GAS7: variants seen among roughly 807,000 people sequenced by gnomAD.
The protein encoded by GAS7 is growth arrest-specific protein 7.
A neutral mutation model predicts 71.1 loss-of-function variants in GAS7; 28 were observed. The ratio of observed to expected loss-of-function variants is 0.39; its 90% CI spans 0.29 to 0.54. The LOEUF (loss-of-function observed/expected upper bound fraction) is 0.54. Ranked by LOEUF, GAS7 falls within the 20% of genes least tolerant of loss-of-function variation. The probability of loss-of-function intolerance (pLI) is 0.62; values close to 1 mark genes in which losing one functional copy is unlikely to be tolerated. For missense variants in GAS7, 436 were observed against 627.8 expected, an observed-to-expected ratio of 0.69 and a Z score of 3.27; for synonymous variants, 258 against 245.8, an observed-to-expected ratio of 1.05 and a Z score of -0.46.
intron 11 of GAS7, among the ~76,000 whole-genome samples, chr17:9,924,119 T>C (rs2067913229): frequency 6.6e-6 from 1 of 152,232 alleles, no homozygotes; most frequent in Admixed American, 6.5e-5. Context: ...GTGAATAGCA[T>C]TTTATATTCT....
chr17:10,133,759 T>C (rs1415391428), intron 1 of GAS7, among the ~76,000 whole-genome samples: 1 of 132,386 alleles, frequency 7.6e-6, no homozygotes, highest in Non-Finnish European at 1.6e-5. Context: ...TGAGTTCAAC[T>C]TTTTTAGAGT....
At chr17:10,037,178 A>G (rs2072769301) in intron 1 of GAS7, among the ~76,000 whole-genome samples, 1 of 152,218 alleles carries the variant, frequency 6.6e-6, no homozygotes, top group Non-Finnish European at 1.5e-5. Context: ...ACGAACAAAG[A>G]CAGGCTCATG....
intron 1 of GAS7, among the ~76,000 whole-genome samples, chr17:10,157,864 G>A (rs967964179): frequency 1.2e-4 from 19 of 152,158 alleles, no homozygotes; most frequent in African/African-American, 4.6e-4. Context: ...CTCGTAGGCT[G>A]GACATGGTGG....
rs575747027 is a variant in GAS7 at position 9,958,192 on chromosome 17, C to T, written c.525+1010G>A. Among the ~76,000 whole-genome samples the T allele has an allele frequency of 5.3e-5, 8 of 152,086 alleles. No individual in the cohort carries two copies. In the East Asian group the frequency reaches 9.7e-4, roughly 18 times the overall value. On this transcript the variant is annotated intron_variant, in intron 5 of 13. Coordinates refer to ENST00000432992, the MANE Select transcript of GAS7 (RefSeq NM_201433.2). Reference sequence around the variant, plus strand: ...GCTGTTGCACTGTCATTAATATAACCGACACTCTGGCCTCAGAGTCCACGT... The same window carrying T: ...GCTGTTGCACTGTCATTAATATAACTGACACTCTGGCCTCAGAGTCCACGT...
At position 9,959,751 on chromosome 17, in the gene GAS7, C is replaced by T. The variant is rs186933867; in HGVS notation, c.472-496G>A. On this transcript the variant is annotated intron_variant, in intron 4 of 13. Transcript: ENST00000432992. The surrounding 1 kb of genome is among the most constrained non-coding windows in gnomAD (Gnocchi z 5.0). ...GTGCACTGGGGCGCTGCTCGGTCAC[C>T]TCCCTGACTCCCCGCTCCCCCAACC... 2.2e-4 allele frequency among the ~76,000 whole-genome samples: 34 copies of T among 152,284 alleles called. No individual in the cohort carries two copies. In the East Asian group the frequency reaches 6.6e-3, roughly 29 times the overall value.
intron 13 of GAS7, 46 bp downstream of exon 13, chr17:9,917,955 C>T (rs1462906365): frequency 4.3e-6 from 6 of 1,395,448 alleles, no homozygotes; most frequent in Non-Finnish European, 6.1e-6. Flanking sequence ...GGCGGCTCTC[C>T]CCAGGCCCCG....
At chr17:10,112,071 T>C (rs944305986) in intron 1 of GAS7, among the ~76,000 whole-genome samples, 5 of 152,184 alleles carry the variant, frequency 3.3e-5, no homozygotes, top group Admixed American at 1.3e-4. Context: ...AAGTAGAACA[T>C]TGCCATCCTC....
chr17:9,996,685 C>T (rs1484564007), intron 2 of GAS7, among the ~76,000 whole-genome samples: 1 of 151,552 alleles, frequency 6.6e-6, no homozygotes, highest in Admixed American at 6.6e-5. Flanking sequence ...GTCGCCCAGG[C>T]TGAAGTACAG....
At chr17:9,957,257 A>G (rs1567821151) in intron 5 of GAS7, among the ~76,000 whole-genome samples, 1 of 152,250 alleles carries the variant, frequency 6.6e-6, no homozygotes, top group Admixed American at 6.5e-5. Flanking sequence ...TGCATTTTAA[A>G]AAAGGTCTTG....
intron 1 of GAS7, among the ~76,000 whole-genome samples, chr17:10,045,969 T>G (rs1317360876): frequency 6.6e-6 from 1 of 152,208 alleles, no homozygotes; most frequent in Non-Finnish European, 1.5e-5. Flanking sequence ...ATTTGGTTTC[T>G]TTCTACTACA....
Position 9,992,289 on chromosome 17 carries a change from G to A in GAS7, c.305-10405C>T, listed in dbSNP as rs546031028. Reference sequence around the variant, plus strand: ...GTTACCCCAACCTTCTAAGAGCCGCGGCTTTGACATGGGTCTTTGCTACCT... The same window carrying A: ...GTTACCCCAACCTTCTAAGAGCCGCAGCTTTGACATGGGTCTTTGCTACCT... On this transcript the variant is annotated intron_variant, in intron 2 of 13. Coordinates refer to ENST00000432992, the MANE Select transcript of GAS7 (RefSeq NM_201433.2). Among the ~76,000 whole-genome samples, 21 of 151,906 alleles carry A rather than the reference G, an allele frequency of 1.4e-4. No individual in the cohort carries two copies. The South Asian group carries it at 2.5e-3, about 18-fold the overall frequency.
At chr17:9,971,489 T>A (rs2069961143) in intron 3 of GAS7, among the ~76,000 whole-genome samples, 1 of 152,106 alleles carries the variant, frequency 6.6e-6, no homozygotes. Flanking sequence ...AGCTTGAGCC[T>A]GGCAGGTGGA....
rs2071190527 is a variant in GAS7 at position 9,999,706 on chromosome 17, C to T, written c.305-17822G>A. ...TGGCCATTTAGCCCCACGGCTCCTT[C>T]AGGCACACAGAAAAAGTCCTTATCA... On this transcript the variant is annotated intron_variant, in intron 2 of 13. Transcript: ENST00000432992. 3.9e-5 allele frequency among the ~76,000 whole-genome samples: 6 copies of T among 152,166 alleles called. No individual in the cohort carries two copies. In the South Asian group the frequency reaches 1.2e-3, roughly 32 times the overall value.
chr17:9,945,268 A>AC (rs1365997033), intron 6 of GAS7, among the ~76,000 whole-genome samples: 3 of 151,742 alleles, frequency 2.0e-5, no homozygotes, highest in Non-Finnish European at 4.4e-5. Flanking sequence ...TCTTCCACTC[A>AC]CCCGTCAACT....
chr17:9,965,746 T>C (rs1715292916), intron 4 of GAS7, among the ~76,000 whole-genome samples: 1 of 152,194 alleles, frequency 6.6e-6, no homozygotes, highest in Non-Finnish European at 1.5e-5. Flanking sequence ...TGGGCTGCAT[T>C]TACCCAGTAC....
chr17:10,154,134 AAATAG>A, intron 1 of GAS7, among the ~76,000 whole-genome samples: 1 of 152,324 alleles, frequency 6.6e-6, no homozygotes, highest in South Asian at 2.1e-4. Flanking sequence ...CCTTTTTGGC[AAATAG>A]AATATAAATG....
intron 1 of GAS7, among the ~76,000 whole-genome samples, chr17:10,122,918 C>A (rs1477616815): frequency 6.6e-6 from 1 of 152,104 alleles, no homozygotes; most frequent in Non-Finnish European, 1.5e-5. Context: ...GTAGCCTCAA[C>A]CTCCTGGGCT....
In GAS7 at chr17:9,918,082, C is replaced by T; in HGVS notation, c.1236G>A (p.Glu412=). Residue 412 remains glutamate, a synonymous_variant, in exon 13 of 14, where the codon GAG becomes GAA. Transcript: ENST00000432992. ...VTTTLELERL[E]VERVEMIRQH... Reference sequence around the variant, plus strand: ...GCCGGATCATCTCTACCCTCTCCACCTCCAGCCGCTCTAGCTCCTGCCGAG... The same window carrying T: ...GCCGGATCATCTCTACCCTCTCCACTTCCAGCCGCTCTAGCTCCTGCCGAG... The T allele has an allele frequency of 6.2e-7, 1 of 1,613,508 alleles. No homozygotes were observed. The highest frequency in any genetic ancestry group is 8.5e-7 in the Non-Finnish European group (1 of 1,179,522).
intron 2 of GAS7, among the ~76,000 whole-genome samples, chr17:10,009,102 C>A (rs932632602): frequency 2.0e-5 from 3 of 151,794 alleles, no homozygotes; most frequent in African/African-American, 7.3e-5. Flanking sequence ...GGGCGGATCA[C>A]GAGGTCAGGA....
Sources: gnomAD v4.1 joint callset for allele counts (sites outside exome capture counted in the v4.1 genomes callset) on GRCh38, gnomAD v4.1.1 for gene constraint, Gnocchi (gnomAD v3.1) non-coding constraint, MANE v1.5 for transcripts, NCBI Gene and HGNC (gene_info 2026-07-23, HGNC 2026-07-21) for gene names.